Variants in NDC80 observed in about 807,000 individuals in gnomAD.
NDC80 encodes the protein NDC80 kinetochore complex component.
In NDC80, 69 loss-of-function variants were observed where a neutral mutation model predicts 89.3. The ratio of observed to expected loss-of-function variants is 0.77; its 90% confidence interval spans 0.64 to 0.94. The LOEUF (loss-of-function observed/expected upper bound fraction) is 0.94, where lower values mean the gene tolerates loss of function less well. Among genes scored for constraint, NDC80 ranks in the 40% least tolerant of loss-of-function variants. The pLI is 0.00. For synonymous variants in NDC80, 243 were observed against 255.6 expected, an observed-to-expected ratio of 0.95 and a Z score of 0.47; for missense variants, 593 against 739.6, an observed-to-expected ratio of 0.80 and a Z score of 2.30.
rs1003806373 is a variant in NDC80, at chr18:2,581,085, C to T, written c.579+2056C>T. On this transcript the variant is annotated intron_variant, in intron 6 of 16. Transcript: ENST00000261597. ...TTGGAATCCCCTCCTTTTTATATTG[C>T]TTTGCATGATGTGATGTATTAATCC... 2.0e-5 allele frequency among the ~76,000 whole-genome samples: 3 copies of T among 152,098 alleles called. No individual in the cohort carries two copies. The South Asian group carries it at 6.2e-4, about 32-fold the overall frequency.
intron 1 of NDC80, among the ~76,000 whole-genome samples, chr18:2,571,985 G>A (rs1471826212): frequency 1.3e-5 from 2 of 152,194 alleles, no homozygotes; most frequent in Non-Finnish European, 2.9e-5. Flanking sequence ...GGACAAGAGA[G>A]GACTCGTTGG....
intron 16 of NDC80, 29 bp from the exon 17 acceptor site, chr18:2,616,408 C>T (rs777458362): frequency 7.3e-7 from 1 of 1,376,572 alleles, no homozygotes; most frequent in Non-Finnish European, 9.8e-7. Flanking sequence ...ATTTTTTTTA[C>T]TTTAACAATT....
At chr18:2,573,937 G>C (rs180989352) in intron 2 of NDC80, among the ~76,000 whole-genome samples, 2 of 145,680 alleles carry the variant, frequency 1.4e-5, no homozygotes, top group Middle Eastern at 3.7e-3. Flanking sequence ...TACAGAGCAG[G>C]CTCTAAAAAA....
chr18:2,574,965 A>G, intron 2 of NDC80, 24 bp from the exon 3 acceptor site: 4 of 1,446,600 alleles, frequency 2.8e-6, no homozygotes, highest in Non-Finnish European at 3.8e-6. Flanking sequence ...TATTTTAAAG[A>G]GTTGTTTTCT....
At chr18:2,603,453 G>C (rs1226132335) in intron 13 of NDC80, among the ~76,000 whole-genome samples, 1 of 150,028 alleles carries the variant, frequency 6.7e-6, no homozygotes, top group Non-Finnish European at 1.5e-5. Context: ...GTCATACAGA[G>C]ACTAACAACT....
chr18:2,614,685 T>C (rs2072775198), intron 16 of NDC80, among the ~76,000 whole-genome samples: 1 of 151,796 alleles, frequency 6.6e-6, no homozygotes, highest in Non-Finnish European at 1.5e-5. Flanking sequence ...AAACCAACTT[T>C]CACTCTAGGT....
At chr18:2,599,791 A>G (rs903245497) in intron 12 of NDC80, among the ~76,000 whole-genome samples, 3 of 152,218 alleles carry the variant, frequency 2.0e-5, no homozygotes, top group Admixed American at 1.3e-4. Context: ...AAAAATGCCA[A>G]TTTTCAAAAT....
At chr18:2,574,260 A>C (rs900137370) in intron 2 of NDC80, among the ~76,000 whole-genome samples, 1 of 152,226 alleles carries the variant, frequency 6.6e-6, no homozygotes, top group African/African-American at 2.4e-5. Flanking sequence ...TAAAGGACAC[A>C]AAATTATAGC....
rs761690082 is a variant in NDC80, at chr18:2,595,629, A to AT, written c.1221+9dup. 1 of 1,611,332 alleles carries AT rather than the reference A, an allele frequency of 6.2e-7. No homozygotes were observed. Among genetic ancestry groups the AT allele is most frequent in the Non-Finnish European group, 8.5e-7 (1 of 1,178,210 alleles). The stretch of plus-strand genomic sequence containing the variant: ...GCCAGAGGCAAAGAAGCGGTATGTC[A>AT]TACCATTTCCAGAGTGGCAACTCAT... On this transcript the variant is annotated intron_variant, in intron 11 of 16. Coordinates refer to ENST00000261597, the MANE Select transcript of NDC80 (RefSeq NM_006101.3).
chr18:2,585,058 A>C, intron 6 of NDC80, 55 bp from the exon 7 acceptor site: 2 of 1,420,408 alleles, frequency 1.4e-6, no homozygotes, highest in Non-Finnish European at 2.0e-6. Flanking sequence ...TTTGCCAAAA[A>C]ATGAAAGTTG....
intron 2 of NDC80, among the ~76,000 whole-genome samples, chr18:2,574,335 A>G (rs1447487966): frequency 6.6e-6 from 1 of 152,284 alleles, no homozygotes; most frequent in Non-Finnish European, 1.5e-5. Context: ...ACAATAATAT[A>G]TTGTATAGTT....
chr18:2,575,318 G>A (rs747152227), intron 3 of NDC80, among the ~76,000 whole-genome samples: 2 of 152,112 alleles, frequency 1.3e-5, no homozygotes, highest in Non-Finnish European at 2.9e-5. Context: ...TTTCAGACAC[G>A]GTGGAGTCAT....
chr18:2,594,663 T>C (rs1676543214), intron 10 of NDC80: 1 of 153,398 alleles, frequency 6.5e-6, no homozygotes, highest in African/African-American at 2.4e-5. Context: ...GCAACTGTTT[T>C]TTCTGTAACA....
At position 2,575,826 on chromosome 18, in the gene NDC80, G is replaced by T. The variant is rs182879397; in HGVS notation, c.179+760G>T. Among the ~76,000 whole-genome samples the T allele has an allele frequency of 4.6e-5, 7 of 152,318 alleles. No homozygotes were observed. In the East Asian group the frequency reaches 1.3e-3, roughly 29 times the overall value. On this transcript the variant is annotated intron_variant, in intron 3 of 16. Transcript: ENST00000261597. ...TGTAGTCCCATCTACTTGGAAGGCTGAATCAGGAGGATCAGTTGAACCCAG... is the reference window on the plus strand; with the variant it reads ...TGTAGTCCCATCTACTTGGAAGGCTTAATCAGGAGGATCAGTTGAACCCAG...
At chr18:2,599,386 G>C (rs527731813) in intron 12 of NDC80, among the ~76,000 whole-genome samples, 2 of 152,184 alleles carry the variant, frequency 1.3e-5, no homozygotes, top group African/African-American at 4.8e-5. Context: ...GACAAAGAGG[G>C]CCTAACCCTT....
intron 11 of NDC80, among the ~76,000 whole-genome samples, chr18:2,596,992 C>T (rs181797588): frequency 1.3e-5 from 2 of 151,544 alleles, no homozygotes; most frequent in Admixed American, 1.3e-4. Flanking sequence ...CACATGGACA[C>T]AGGAAGGGGA....
At position 2,579,016 on chromosome 18, in the gene NDC80, T is replaced by C; in HGVS notation, c.566T>C (p.Ile189Thr). The change falls in exon 6 of 17, where the codon ATA becomes ACA. Residue 189 changes from isoleucine (I) to threonine (T), a missense_variant. Transcript: ENST00000261597. ...ATTGTGGCAGCCTTAGTTTGGCTAA[T>C]AGACTGCATCAAGGTATTTGATTTG... ...PHIVAALVWL[I>T]DCIKIHTAMK... 1.9e-6 allele frequency: 3 copies of C among 1,557,878 alleles called. No homozygotes were observed. Among genetic ancestry groups the C allele is most frequent in the Non-Finnish European group, 2.6e-6 (3 of 1,151,538 alleles).
At chr18:2,615,869 A>G (rs2072781582) in intron 16 of NDC80, among the ~76,000 whole-genome samples, 1 of 152,234 alleles carries the variant, frequency 6.6e-6, no homozygotes, top group Non-Finnish European at 1.5e-5. Context: ...GGTACTATTA[A>G]GTCAATATAT....
intron 6 of NDC80, among the ~76,000 whole-genome samples, chr18:2,584,252 C>T (rs2072592757): frequency 6.7e-6 from 1 of 148,358 alleles, no homozygotes; most frequent in Admixed American, 6.8e-5. Flanking sequence ...TGCACCACTG[C>T]ACTCCATCCT....
Sources: allele counts gnomAD v4.1 joint callset (sites outside exome capture counted in the v4.1 genomes callset), GRCh38; gene constraint gnomAD v4.1.1; transcripts MANE v1.5; gene names NCBI Gene and HGNC (gene_info 2026-07-23, HGNC 2026-07-21).